Variants in C12orf75 observed in about 807,000 individuals in gnomAD.
C12orf75 encodes overexpressed in colon carcinoma 1 protein.
C12orf75 carries 4 observed loss-of-function variants against 11.4 expected under a neutral mutation model. The ratio of observed to expected loss-of-function variants is 0.35; its 90% CI spans 0.17 to 0.80. C12orf75 has a LOEUF of 0.80. Ranked by LOEUF, C12orf75 falls within the 30% of genes least tolerant of loss-of-function variation. The pLI is 0.52. For missense variants in C12orf75, 89 were observed against 80.4 expected (o/e 1.11, Z -0.41); for synonymous variants, 30 against 30.0 (o/e 1.00, Z 0.00).
intron 1 of C12orf75, among the ~76,000 whole-genome samples, chr12:105,342,266 A>G (rs1892584613): frequency 6.6e-6 from 1 of 152,236 alleles, no homozygotes; most frequent in Non-Finnish European, 1.5e-5. Flanking sequence ...TTAATCATAA[A>G]TAAACTGGGG....
intron 4 of C12orf75, 135 bp downstream of exon 4, chr12:105,366,831 C>A (rs926395993): frequency 3.6e-5 from 19 of 534,548 alleles, no homozygotes; most frequent in Non-Finnish European, 6.3e-5. Flanking sequence ...TAAGTACTGT[C>A]TGTTCATTGC....
At chr12:105,348,751 G>A (rs1294349936) in intron 2 of C12orf75, 125 bp downstream of exon 2, 1 of 558,420 alleles carries the variant, frequency 1.8e-6, no homozygotes, top group East Asian at 3.2e-5. Context: ...TGTGTATAAT[G>A]CACATGTCAA....
At position 105,338,925 on chromosome 12, in the gene C12orf75, C is replaced by T. The variant is rs148990511; in HGVS notation, c.46+7988C>T. ...AAACTCTAGCACTACTCAACAAGGA[C>T]GACCTATAAAAATGAGATTTTCTAT... On this transcript the variant is annotated intron_variant, in intron 1 of 5. Transcript: ENST00000443585. Among the ~76,000 whole-genome samples the T allele has an allele frequency of 2.7e-3, 417 of 152,186 alleles. 1 individual carries two copies. Among genetic ancestry groups the T allele is most frequent in the African/African-American group, 8.5e-3 (355 of 41,528 alleles).
chr12:105,356,544 T>C (rs941407081), intron 2 of C12orf75, among the ~76,000 whole-genome samples: 3 of 151,992 alleles, frequency 2.0e-5, no homozygotes, highest in African/African-American at 7.3e-5. Context: ...ATCATTTCTT[T>C]GCCACATAAC....
At chr12:105,346,045 T>C (rs924117711) in intron 1 of C12orf75, among the ~76,000 whole-genome samples, 1 of 152,144 alleles carries the variant, frequency 6.6e-6, no homozygotes, top group Admixed American at 6.5e-5. Context: ...AAATCCCTTA[T>C]CTTAACTCAA....
chr12:105,342,295 G>C (rs1429735955), intron 1 of C12orf75, among the ~76,000 whole-genome samples: 2 of 152,128 alleles, frequency 1.3e-5, no homozygotes, highest in East Asian at 3.9e-4. Flanking sequence ...GAATGGGTTG[G>C]TTATTGAGAG....
At chr12:105,333,322 T>C (rs1892459838) in intron 1 of C12orf75, among the ~76,000 whole-genome samples, 1 of 152,188 alleles carries the variant, frequency 6.6e-6, no homozygotes, top group African/African-American at 2.4e-5. Context: ...TAAACCACAA[T>C]GCAAAGGTAC....
intron 1 of C12orf75, among the ~76,000 whole-genome samples, chr12:105,334,549 T>A (rs1892476540): frequency 6.6e-6 from 1 of 152,220 alleles, no homozygotes; most frequent in Non-Finnish European, 1.5e-5. Context: ...GAATTTGATT[T>A]TTCCCAACCT....
At chr12:105,345,427 T>G (rs1320115704) in intron 1 of C12orf75, among the ~76,000 whole-genome samples, 1 of 151,056 alleles carries the variant, frequency 6.6e-6, no homozygotes, top group African/African-American at 2.4e-5. Context: ...GAGGCGGAGG[T>G]TGCAGTGAGC....
chr12:105,330,711 C>T lies in C12orf75; in HGVS notation c.-181C>T. 2.1e-6 allele frequency: 1 copy of T among 469,726 alleles called. No homozygotes were observed. Among genetic ancestry groups the T allele is most frequent in the Non-Finnish European group, 3.1e-6 (1 of 323,064 alleles). 29.1% of individuals were successfully genotyped at this position (469,726 alleles called of 1,614,324 possible). ...CGGGTGGTTTCCGCCCGGCAGCCCG[C>T]AGCCCGCTGCGCCCCGGGCCGCGTC... On this transcript the variant is annotated 5_prime_UTR_variant, in exon 1 of 6. Coordinates refer to ENST00000443585, the MANE Select transcript of C12orf75 (RefSeq NM_001145199.2).
intron 2 of C12orf75, among the ~76,000 whole-genome samples, chr12:105,359,538 A>G (rs565596609): frequency 2.0e-5 from 3 of 152,180 alleles, no homozygotes; most frequent in African/African-American, 7.2e-5. Context: ...TGGGAGGGCA[A>G]GGCGGGTGGA....
chr12:105,364,038 A>C (rs1440365310), intron 2 of C12orf75, among the ~76,000 whole-genome samples: 2 of 152,242 alleles, frequency 1.3e-5, no homozygotes, highest in Non-Finnish European at 2.9e-5. Context: ...AAGAATTAAA[A>C]TAAACGGATA....
chr12:105,343,653 A>G (rs142912825), intron 1 of C12orf75, among the ~76,000 whole-genome samples: 1 of 152,106 alleles, frequency 6.6e-6, no homozygotes, highest in East Asian at 1.9e-4. Context: ...AAATAAACTT[A>G]TGCTTTGCAT....
intron 2 of C12orf75, among the ~76,000 whole-genome samples, chr12:105,348,860 G>C (rs1018566489): frequency 2.6e-5 from 4 of 152,136 alleles, no homozygotes; most frequent in African/African-American, 9.7e-5. Flanking sequence ...TCTTAAGAAG[G>C]GGAAATGTTG....
rs1871480785 is a variant in C12orf75 at position 105,366,643 on chromosome 12, T to C, written c.134T>C (p.Leu45Pro). 1 of 1,538,456 alleles carries C rather than the reference T, an allele frequency of 6.5e-7. No homozygotes were observed. Among genetic ancestry groups the C allele is most frequent in the Non-Finnish European group, 8.8e-7 (1 of 1,135,426 alleles). The change falls in exon 4 of 6, where the codon CTA (leucine) becomes CCA (proline). Residue 45 changes from leucine to proline, a missense_variant. By Grantham distance (98) the Leu-to-Pro change is moderately conservative. Coordinates refer to ENST00000443585, the MANE Select transcript of C12orf75 (RefSeq NM_001145199.2). ...RRNYGGVYVG[L>P]PSEAVNMVSS... ...AACTATGGAGGAGTATATGTTGGCCTACCATCTGAAGCTGTCAATATGGTG... is the reference window on the plus strand; with the variant it reads ...AACTATGGAGGAGTATATGTTGGCCCACCATCTGAAGCTGTCAATATGGTG...
intron 2 of C12orf75, among the ~76,000 whole-genome samples, chr12:105,349,905 T>C (rs940618209): frequency 3.9e-5 from 6 of 152,142 alleles, no homozygotes; most frequent in Non-Finnish European, 8.8e-5. Context: ...AGTCAGACTT[T>C]CTTATTTCTT....
At chr12:105,335,319 T>G (rs1226690404) in intron 1 of C12orf75, among the ~76,000 whole-genome samples, 2 of 152,234 alleles carry the variant, frequency 1.3e-5, no homozygotes, top group Non-Finnish European at 2.9e-5. Context: ...CAGGCTTAAT[T>G]ACATCTGTAA....
chr12:105,349,037 G>C (rs946122217), intron 2 of C12orf75, among the ~76,000 whole-genome samples: 1 of 152,178 alleles, frequency 6.6e-6, no homozygotes, highest in Non-Finnish European at 1.5e-5. Context: ...ACATTGAATT[G>C]TTTTAAAGTT....
chr12:105,339,116 G>A (rs1468473944), intron 1 of C12orf75, among the ~76,000 whole-genome samples: 1 of 152,192 alleles, frequency 6.6e-6, no homozygotes. Context: ...ATGAAGTAAT[G>A]AGCTGTTGTT....
Sources: allele counts gnomAD v4.1 joint callset (sites outside exome capture counted in the v4.1 genomes callset), GRCh38; gene constraint gnomAD v4.1.1; transcripts MANE v1.5; gene names NCBI Gene and HGNC (gene_info 2026-07-23, HGNC 2026-07-21).